Variants in RUNX2 observed in about 807,000 individuals in gnomAD.
RUNX2 encodes runt-related transcription factor 2.
In RUNX2, 10 loss-of-function variants were observed where a neutral mutation model predicts 51.7. The observed-to-expected ratio is 0.19, with a 90% CI of 0.12 to 0.33. RUNX2 has a LOEUF of 0.33. Ranked by LOEUF, RUNX2 falls within the 10% of genes least tolerant of loss-of-function variation. The probability of loss-of-function intolerance (pLI) is 1.00; values close to 1 mark genes in which losing one functional copy is unlikely to be tolerated. For missense variants in RUNX2, 562 were observed against 691.3 expected, an observed-to-expected ratio of 0.81 and a Z score of 2.10; for synonymous variants, 276 against 273.6, an observed-to-expected ratio of 1.01 and a Z score of -0.09.
intron 2 of RUNX2, among the ~76,000 whole-genome samples, chr6:45,384,274 T>G (rs73441910): frequency 0.13 from 20,279 of 151,936 alleles, 2,648 homozygotes; most frequent in African/African-American, 0.34. Context: ...TTGGGGTTTT[T>G]TTTGTTTGTT....
rs1240645194 is a variant in RUNX2 at position 45,422,109 on chromosome 6, G to A, written c.59-484G>A. ...GTAGCAGCGCGCGGCGCGGCGCGGCGGTGGCGGGCAGCGCGCGGCAATGCC... is the reference window on the plus strand; with the variant it reads ...GTAGCAGCGCGCGGCGCGGCGCGGCAGTGGCGGGCAGCGCGCGGCAATGCC... On this transcript the variant is annotated intron_variant, in intron 2 of 8. Transcript: ENST00000647337. 2.0e-5 allele frequency: 3 copies of A among 149,694 alleles called. No homozygotes were observed. The East Asian group carries it at 5.9e-4, about 29-fold the overall frequency. The allele number at this position is 149,694 out of a possible 1,614,324, so 9.3% of individuals were successfully genotyped here.
intron 2 of RUNX2, among the ~76,000 whole-genome samples, chr6:45,409,960 TGAAG>T (rs1797915441): frequency 6.6e-6 from 1 of 152,126 alleles, no homozygotes; most frequent in Non-Finnish European, 1.5e-5. Context: ...GTAGCACTGA[TGAAG>T]GAAAGAGAAA....
intron 7 of RUNX2, among the ~76,000 whole-genome samples, chr6:45,526,011 T>A (rs1221414410): frequency 6.6e-6 from 1 of 151,568 alleles, no homozygotes; most frequent in Non-Finnish European, 1.5e-5. Flanking sequence ...GAAAACTAAA[T>A]ACCACCATCA....
chr6:45,463,413 T>C (rs997537333), intron 5 of RUNX2, among the ~76,000 whole-genome samples: 5 of 152,236 alleles, frequency 3.3e-5, no homozygotes, highest in Non-Finnish European at 7.3e-5. Flanking sequence ...CATTAAGGCA[T>C]TTTAGGTGAC....
rs1048809109 is a variant in RUNX2 at position 45,515,210 on chromosome 6, G to A, written c.1021+2803G>A. ...ACAAAATATTCTCATATGATTTTGG[G>A]TGAGAAAGAATAAAATTCTTCACTT... On this transcript the variant is annotated intron_variant, in intron 7 of 8. Coordinates refer to ENST00000647337, the MANE Select transcript of RUNX2 (RefSeq NM_001024630.4). 2.6e-5 allele frequency among the ~76,000 whole-genome samples: 4 copies of A among 152,096 alleles called. No homozygotes were observed. In the East Asian group the frequency reaches 7.7e-4, roughly 29 times the overall value.
chr6:45,417,774 A>G (rs2150359567), intron 2 of RUNX2, among the ~76,000 whole-genome samples: 1 of 152,224 alleles, frequency 6.6e-6, no homozygotes, highest in East Asian at 1.9e-4. Flanking sequence ...ATTCCAATAA[A>G]GCTTTATTTG....
At chr6:45,387,881 A>G (rs57354252) in intron 2 of RUNX2, among the ~76,000 whole-genome samples, 1 of 152,350 alleles carries the variant, frequency 6.6e-6, no homozygotes, top group African/African-American at 2.4e-5. Flanking sequence ...ATCGTTGGCA[A>G]AACAGCTTCA....
At chr6:45,476,520 C>T (rs1430831960) in intron 5 of RUNX2, among the ~76,000 whole-genome samples, 2 of 152,320 alleles carry the variant, frequency 1.3e-5, no homozygotes, top group South Asian at 2.1e-4. Context: ...GCAAGTGACA[C>T]ATACAGAGCC....
chr6:45,494,831 T>A (rs1164306066), intron 6 of RUNX2, among the ~76,000 whole-genome samples: 1 of 152,222 alleles, frequency 6.6e-6, no homozygotes, highest in Non-Finnish European at 1.5e-5. Flanking sequence ...TTGGGGCCTA[T>A]CACATGTAGC....
intron 2 of RUNX2, among the ~76,000 whole-genome samples, chr6:45,342,408 C>T (rs899710147): frequency 3.9e-5 from 6 of 152,096 alleles, no homozygotes; most frequent in South Asian, 2.1e-4. Flanking sequence ...ACTACAGGTG[C>T]GCACCACCAC....
intron 2 of RUNX2, among the ~76,000 whole-genome samples, chr6:45,410,502 A>G (rs1275556269): frequency 6.6e-6 from 1 of 152,220 alleles, no homozygotes; most frequent in Non-Finnish European, 1.5e-5. Flanking sequence ...ACTAATATAT[A>G]TTGATCACAT....
rs778680839 is a variant in RUNX2 at position 45,422,747 on chromosome 6, G to GCAACA, written c.213_214insCAACA (p.Glu72GlnfsTer74). 1 of 1,542,578 alleles carries GCAACA rather than the reference G, an allele frequency of 6.5e-7. No homozygotes were observed. The highest frequency in any genetic ancestry group is 1.2e-5 in the South Asian group (1 of 81,844). On this transcript the variant is annotated frameshift_variant, in exon 3 of 9. Transcript: ENST00000647337. LOFTEE classifies it high-confidence loss of function. ...AGCAGCAACAGCAGCAGCAGCAGCA[G>GCAACA]GAGGCGGCGGCGGCGGCTGCGGCGG... is the stretch of plus-strand genomic sequence containing the variant.
intron 2 of RUNX2, among the ~76,000 whole-genome samples, chr6:45,366,909 T>C (rs1309015336): frequency 1.3e-5 from 2 of 152,158 alleles, no homozygotes; most frequent in African/African-American, 4.8e-5. Flanking sequence ...CTCAGTTCAT[T>C]CTCCATACTG....
chr6:45,405,753 C>T (rs1037336110), intron 2 of RUNX2, among the ~76,000 whole-genome samples: 8 of 152,028 alleles, frequency 5.3e-5, no homozygotes, highest in Non-Finnish European at 8.8e-5. Flanking sequence ...TGCCACTGCA[C>T]TCCAGCCTGG....
At chr6:45,499,887 CTTTTAGTTTTATATTTAG>C (rs1800753310) in intron 6 of RUNX2, among the ~76,000 whole-genome samples, 1 of 152,092 alleles carries the variant, frequency 6.6e-6, no homozygotes, top group Non-Finnish European at 1.5e-5. Flanking sequence ...TCATCTTTCT[CTTTTAGTTTTATATTTAG>C]TTTTAGTTTT....
chr6:45,448,630 C>CTGG (rs1799070816), intron 5 of RUNX2, among the ~76,000 whole-genome samples: 1 of 152,114 alleles, frequency 6.6e-6, no homozygotes, highest in African/African-American at 2.4e-5. Flanking sequence ...CTGAAGCAAG[C>CTGG]TGGTGCTTTC....
rs1184928790 is a variant in RUNX2, at chr6:45,536,219, C to A, written c.1022-8998C>A. Among the ~76,000 whole-genome samples, 3 of 152,022 alleles carry A rather than the reference C, an allele frequency of 2.0e-5. No individual in the cohort carries two copies. The East Asian group carries it at 5.8e-4, about 29-fold the overall frequency. ...ATGTATTTCCTCCTGGGGCAGGAAC[C>A]CCTCCCAGGGCATGGTCAGCCCAGG... On this transcript the variant is annotated intron_variant, in intron 7 of 8. Coordinates refer to ENST00000647337, the MANE Select transcript of RUNX2 (RefSeq NM_001024630.4).
At chr6:45,540,715 G>C (rs1230811987) in intron 7 of RUNX2, among the ~76,000 whole-genome samples, 1 of 152,166 alleles carries the variant, frequency 6.6e-6, no homozygotes, top group Non-Finnish European at 1.5e-5. Flanking sequence ...GGAAGGACGA[G>C]TGTGCTTACC....
chr6:45,549,488 A>C lies in RUNX2; in HGVS notation c.*2183A>C. The C allele has an allele frequency of 2.5e-6, 1 of 397,814 alleles. No homozygotes were observed. Among genetic ancestry groups the C allele is most frequent in the Non-Finnish European group, 4.4e-6 (1 of 225,986 alleles). 24.6% of individuals were successfully genotyped at this position (397,814 alleles called of 1,614,324 possible). ...GCCGTATACCAAGTATGCTTAGATA[A>C]ATAAGCCACTTTTCTATTACTTAAG... On this transcript the variant is annotated 3_prime_UTR_variant, in exon 9 of 9. Coordinates refer to ENST00000647337, the MANE Select transcript of RUNX2 (RefSeq NM_001024630.4).
Sources: gnomAD v4.1 joint callset for allele counts (sites outside exome capture counted in the v4.1 genomes callset) on GRCh38, gnomAD v4.1.1 for gene constraint, MANE v1.5 for transcripts, NCBI Gene and HGNC (gene_info 2026-07-23, HGNC 2026-07-21) for gene names.